ERC1: variants seen among roughly 807,000 people sequenced by gnomAD.
ERC1 encodes the protein RAB6 interacting protein 2.
ERC1 carries 56 observed loss-of-function variants against 132.0 expected under a neutral mutation model. The observed-to-expected ratio is 0.42, with a 90% confidence interval of 0.34 to 0.53. The LOEUF (loss-of-function observed/expected upper bound fraction) is 0.53, where lower values mean the gene tolerates loss of function less well. Ranked by LOEUF, ERC1 falls within the 20% of genes least tolerant of loss-of-function variation. The probability of loss-of-function intolerance (pLI) is 0.03; values close to 1 mark genes in which losing one functional copy is unlikely to be tolerated. For synonymous variants in ERC1, 478 were observed against 476.1 expected, an observed-to-expected ratio of 1.00 and a Z score of -0.05; for missense variants, 1,202 against 1,349.9, an observed-to-expected ratio of 0.89 and a Z score of 1.72.
At chr12:1,021,715 A>G (rs1416032196) in intron 1 of ERC1, among the ~76,000 whole-genome samples, 5 of 150,578 alleles carry the variant, frequency 3.3e-5, no homozygotes, top group Non-Finnish European at 5.9e-5. Context: ...AAAAAAAAAA[A>G]GTGGTGGATT....
chr12:1,003,537 G>T (rs1269372846), intron 1 of ERC1, among the ~76,000 whole-genome samples: 2 of 151,998 alleles, frequency 1.3e-5, no homozygotes, highest in African/African-American at 4.8e-5. Context: ...GTTTTTCTTC[G>T]CAATTCTTAC....
chr12:1,249,500 A>C (rs2076348084), intron 13 of ERC1, among the ~76,000 whole-genome samples: 1 of 152,114 alleles, frequency 6.6e-6, no homozygotes, highest in Non-Finnish European at 1.5e-5. Flanking sequence ...TTCTGCATTG[A>C]TTTGGGGATT....
chr12:1,224,895 A>G (rs1482433526), intron 12 of ERC1, among the ~76,000 whole-genome samples: 4 of 151,778 alleles, frequency 2.6e-5, no homozygotes, highest in Non-Finnish European at 5.9e-5. Flanking sequence ...GGAGGCTGAC[A>G]TAGGACGATC....
chr12:1,191,630 A>G (rs1477001982), intron 12 of ERC1, among the ~76,000 whole-genome samples: 1 of 152,206 alleles, frequency 6.6e-6, no homozygotes, highest in Non-Finnish European at 1.5e-5. Context: ...AAGGAGAGTA[A>G]GAAATAGGAC....
intron 4 of ERC1, among the ~76,000 whole-genome samples, chr12:1,105,515 G>A (rs1593322660): frequency 1.3e-5 from 2 of 151,958 alleles, no homozygotes; most frequent in East Asian, 1.9e-4. Context: ...CTGCCACCAC[G>A]CCCAGCTAAT....
At chr12:1,472,342 TGATGAC>T (rs2093879338) in intron 18 of ERC1, among the ~76,000 whole-genome samples, 1 of 152,140 alleles carries the variant, frequency 6.6e-6, no homozygotes, top group African/African-American at 2.4e-5. Context: ...CAGAAATATG[TGATGAC>T]CTAACATTAA....
chr12:1,436,468 C>G (rs2092951690), intron 17 of ERC1, among the ~76,000 whole-genome samples: 2 of 151,966 alleles, frequency 1.3e-5, no homozygotes, highest in Admixed American at 1.3e-4. Flanking sequence ...TTTTGTTGAC[C>G]CTGGGTAACT....
intron 7 of ERC1, among the ~76,000 whole-genome samples, chr12:1,125,682 G>T (rs574781609): frequency 6.6e-5 from 10 of 152,246 alleles, no homozygotes; most frequent in African/African-American, 1.4e-4. Context: ...GGGCACGGTG[G>T]TGCGCACCTG....
intron 15 of ERC1, among the ~76,000 whole-genome samples, chr12:1,298,555 AAC>A (rs1442385588): frequency 7.6e-5 from 11 of 144,886 alleles, no homozygotes; most frequent in African/African-American, 1.5e-4. Context: ...AAAAAAAAAA[AAC>A]AAACAAACAA....
At position 1,010,249 on chromosome 12, in the gene ERC1, G is replaced by T. The variant is rs550729208; in HGVS notation, c.-156-17499G>T. On this transcript the variant is annotated intron_variant, in intron 1 of 18. Transcript: ENST00000360905. The stretch of plus-strand genomic sequence containing the variant: ...TAATCCCAGCAATTTGGGAGGCTGA[G>T]GTGGGCAGATCACTTGAGGTCAGGA... 1.6e-3 allele frequency among the ~76,000 whole-genome samples: 239 copies of T among 152,220 alleles called. 2 individuals carry two copies. The highest frequency in any genetic ancestry group is 5.5e-3 in the African/African-American group (229 of 41,544).
In ERC1 at chr12:1,253,529, C is replaced by T. The variant is rs369140434; in HGVS notation, c.2488-9505C>T. 4.6e-5 allele frequency among the ~76,000 whole-genome samples: 7 copies of T among 151,994 alleles called. No individual in the cohort carries two copies. In the East Asian group the frequency reaches 9.7e-4, roughly 21 times the overall value. On this transcript the variant is annotated intron_variant, in intron 13 of 18. Transcript: ENST00000360905. ...TTATCTCTATGAAAAATACAAAATT[C>T]GCCAGGCGTGGTGGTGCATGCCTGT...
intron 8 of ERC1, among the ~76,000 whole-genome samples, chr12:1,161,187 G>A (rs1156487918): frequency 2.0e-5 from 3 of 152,152 alleles, no homozygotes; most frequent in African/African-American, 7.2e-5. Context: ...AGAATTATGG[G>A]AGGTTAGAAG....
intron 2 of ERC1, among the ~76,000 whole-genome samples, chr12:1,064,519 A>G (rs11834340): frequency 0.23 from 34,566 of 151,922 alleles, 4,356 homozygotes; most frequent in Middle Eastern, 0.28. Flanking sequence ...AGCTTCTTGA[A>G]TAGCTAGGAC....
intron 18 of ERC1, among the ~76,000 whole-genome samples, chr12:1,468,051 C>T (rs1311276865): frequency 6.6e-6 from 1 of 152,150 alleles, no homozygotes; most frequent in Non-Finnish European, 1.5e-5. Flanking sequence ...TACACGGACC[C>T]AGTACTGGGA....
intron 1 of ERC1, among the ~76,000 whole-genome samples, chr12:1,004,806 CTGTGTGTGTGTGTGTGTGTGTGTGTG>C (rs60674277): frequency 4.1e-5 from 6 of 146,954 alleles, no homozygotes; most frequent in Admixed American, 1.4e-4. Flanking sequence ...CTGCCTTTTT[CTGTGTGTGTGTGTGTGTGTGTGTGTG>C]TGTGTGTGTG....
At chr12:1,132,217 C>T (rs2154240987) in intron 7 of ERC1, among the ~76,000 whole-genome samples, 1 of 152,228 alleles carries the variant, frequency 6.6e-6, no homozygotes, top group South Asian at 2.1e-4. Context: ...GAATTCTGTA[C>T]TGCACAAAAA....
At chr12:1,359,383 G>T (rs1195516520) in intron 15 of ERC1, among the ~76,000 whole-genome samples, 1 of 152,112 alleles carries the variant, frequency 6.6e-6, no homozygotes, top group East Asian at 1.9e-4. Context: ...TCATTTTATT[G>T]CTGTAATAAT....
At chr12:1,300,050 A>G (rs2080270797) in intron 15 of ERC1, among the ~76,000 whole-genome samples, 1 of 152,202 alleles carries the variant, frequency 6.6e-6, no homozygotes, top group Non-Finnish European at 1.5e-5. Context: ...GCATTATGCT[A>G]CCCAACTTCA....
intron 2 of ERC1, among the ~76,000 whole-genome samples, chr12:1,050,331 G>T (rs1971732386): frequency 6.6e-6 from 1 of 152,210 alleles, no homozygotes; most frequent in African/African-American, 2.4e-5. Flanking sequence ...TAGCAAACAG[G>T]ATAGAATGAG....
Sources: gnomAD v4.1 joint callset for allele counts (sites outside exome capture counted in the v4.1 genomes callset) on GRCh38, gnomAD v4.1.1 for gene constraint, MANE v1.5 for transcripts, NCBI Gene and HGNC (gene_info 2026-07-23, HGNC 2026-07-21) for gene names.